Variants in FNDC3A observed in about 807,000 individuals in gnomAD.
FNDC3A encodes the protein fibronectin type III domain containing 3A.
In FNDC3A, 32 loss-of-function variants were observed where a neutral mutation model predicts 148.9. That is an observed-to-expected ratio of 0.21 (90% CI 0.16 to 0.29). The LOEUF is 0.29. Among genes scored for constraint, FNDC3A ranks in the 10% least tolerant of loss-of-function variants. The pLI, the probability that FNDC3A is intolerant of heterozygous loss-of-function variation, is 1.00. For missense variants in FNDC3A, 1,191 were observed against 1,452.8 expected, an observed-to-expected ratio of 0.82 and a Z score of 2.93; for synonymous variants, 472 against 473.6, an observed-to-expected ratio of 1.00 and a Z score of 0.04.
intron 1 of FNDC3A, among the ~76,000 whole-genome samples, chr13:48,996,861 A>G (rs1403610285): frequency 6.6e-6 from 1 of 152,188 alleles, no homozygotes; most frequent in Non-Finnish European, 1.5e-5. Context: ...CAGCAGTTCG[A>G]GACCAGCCTG....
At chr13:49,192,441 T>G (rs541546625) in intron 19 of FNDC3A, among the ~76,000 whole-genome samples, 40 of 152,184 alleles carry the variant, frequency 2.6e-4, no homozygotes, top group African/African-American at 7.7e-4. Context: ...ACCACAGGTG[T>G]ACATCACCAC....
intron 2 of FNDC3A, among the ~76,000 whole-genome samples, chr13:49,051,286 G>A (rs922991370): frequency 3.9e-4 from 59 of 152,154 alleles, no homozygotes; most frequent in African/African-American, 1.4e-3. Context: ...TATGCTTTAA[G>A]GAGGTTCTAT....
chr13:48,978,501 G>A (rs959872752), intron 1 of FNDC3A, among the ~76,000 whole-genome samples: 3 of 151,848 alleles, frequency 2.0e-5, no homozygotes, highest in African/African-American at 7.3e-5. Flanking sequence ...ATTTGATGAA[G>A]TAACCAAAAA....
chr13:49,064,697 T>C (rs892580696), intron 2 of FNDC3A, among the ~76,000 whole-genome samples: 5 of 152,108 alleles, frequency 3.3e-5, no homozygotes, highest in African/African-American at 1.2e-4. Flanking sequence ...AATGATGCTA[T>C]AGCTCCTCCT....
chr13:49,170,885 GT>G (rs1268529638), intron 10 of FNDC3A, among the ~76,000 whole-genome samples: 1 of 152,184 alleles, frequency 6.6e-6, no homozygotes, highest in Non-Finnish European at 1.5e-5. Context: ...AATCAAGTAA[GT>G]GTGAGAGACC....
At chr13:49,079,904 T>C (rs1878361007) in intron 3 of FNDC3A, among the ~76,000 whole-genome samples, 1 of 152,044 alleles carries the variant, frequency 6.6e-6, no homozygotes, top group African/African-American at 2.4e-5. Context: ...AGCCTCAAAC[T>C]CCTGGGCTCA....
intron 8 of FNDC3A, among the ~76,000 whole-genome samples, chr13:49,163,036 G>A: frequency 6.6e-6 from 1 of 152,182 alleles, no homozygotes; most frequent in East Asian, 1.9e-4. Context: ...TGTATGAGGT[G>A]TCAATCAGCC....
chr13:49,096,189 C>A (rs1879514018), intron 3 of FNDC3A, among the ~76,000 whole-genome samples: 1 of 152,046 alleles, frequency 6.6e-6, no homozygotes, highest in Non-Finnish European at 1.5e-5. Context: ...CACCATTAAC[C>A]ATAAGAATCA....
chr13:48,986,055 G>A (rs1485327378), intron 1 of FNDC3A, among the ~76,000 whole-genome samples: 4 of 152,166 alleles, frequency 2.6e-5, no homozygotes, highest in African/African-American at 9.7e-5. Context: ...TTTAGAAATA[G>A]CAATTTCTGT....
chr13:49,136,587 A>G lies in FNDC3A; in HGVS notation c.746A>G (p.Asp249Gly), dbSNP rs967066562. 2 of 1,612,294 alleles carry G rather than the reference A, an allele frequency of 1.2e-6. No homozygotes were observed. Among genetic ancestry groups the G allele is most frequent in the Non-Finnish European group, 1.7e-6 (2 of 1,178,444 alleles). ...SGKGKGGTQVDTEIEEKDEET... is the reference protein window; with the variant it reads ...SGKGKGGTQVGTEIEEKDEET... ...AAGGGGAAAGGTGGTACACAAGTTG[A>G]TACAGAAATTGAAGGTAACTGTTTG... The change falls in exon 6 of 26, where the codon GAT becomes GGT. Residue 249 changes from aspartate to glycine, a missense_variant. Asp to Gly is a moderately conservative substitution (Grantham distance 94). Transcript: ENST00000492622.
chr13:49,114,419 C>CG (rs1408212262), intron 3 of FNDC3A, among the ~76,000 whole-genome samples: 2 of 151,422 alleles, frequency 1.3e-5, no homozygotes, highest in African/African-American at 2.4e-5. Context: ...CTCCCCGCCC[C>CG]CCACCACCCC....
In FNDC3A at chr13:49,019,565, G is replaced by A. The variant is rs373908086; in HGVS notation, c.99+13276G>A. The stretch of plus-strand genomic sequence containing the variant: ...GAAATGCAGAAATCACCCATCTTCT[G>A]CGTCGCTCTCTCTGGGAGCTGTAGA... On this transcript the variant is annotated intron_variant, in intron 2 of 25. Transcript: ENST00000492622. Among the ~76,000 whole-genome samples the A allele has an allele frequency of 9.6e-4, 146 of 152,334 alleles. 1 individual carries two copies. Among genetic ancestry groups the A allele is most frequent in the African/African-American group, 3.4e-3 (140 of 41,580 alleles).
chr13:49,083,187 C>A (rs183323813), intron 3 of FNDC3A, among the ~76,000 whole-genome samples: 2 of 152,218 alleles, frequency 1.3e-5, no homozygotes, highest in East Asian at 3.9e-4. Context: ...TTGTAGCCAC[C>A]CACCACTGCC....
At chr13:49,063,291 A>T (rs969052586) in intron 2 of FNDC3A, among the ~76,000 whole-genome samples, 1 of 152,236 alleles carries the variant, frequency 6.6e-6, no homozygotes, top group Non-Finnish European at 1.5e-5. Context: ...TTTAGCAGAG[A>T]TGTAAATATG....
chr13:49,082,303 T>C (rs1878529754), intron 3 of FNDC3A, among the ~76,000 whole-genome samples: 1 of 152,022 alleles, frequency 6.6e-6, no homozygotes, highest in Non-Finnish European at 1.5e-5. Context: ...GGAGAATCAC[T>C]TGGACCCGGG....
intron 4 of FNDC3A, 49 bp from the exon 5 acceptor site, chr13:49,131,088 A>T: frequency 7.0e-7 from 1 of 1,431,418 alleles, no homozygotes; most frequent in Non-Finnish European, 9.9e-7. Flanking sequence ...TTTTAAAAGA[A>T]TTGTTTATAT....
intron 14 of FNDC3A, among the ~76,000 whole-genome samples, chr13:49,181,546 C>G (rs1487991186): frequency 6.6e-6 from 1 of 152,122 alleles, no homozygotes; most frequent in Non-Finnish European, 1.5e-5. Flanking sequence ...GAAAATGATG[C>G]TTGTATGAAG....
chr13:49,017,470 C>T (rs898807008), intron 2 of FNDC3A, among the ~76,000 whole-genome samples: 4 of 152,074 alleles, frequency 2.6e-5, no homozygotes, highest in African/African-American at 9.7e-5. Flanking sequence ...CTTCCTCCAT[C>T]CTTTTATTTT....
At chr13:49,024,269 G>T (rs1873538234) in intron 2 of FNDC3A, among the ~76,000 whole-genome samples, 1 of 151,954 alleles carries the variant, frequency 6.6e-6, no homozygotes, top group Non-Finnish European at 1.5e-5. Flanking sequence ...GGACCAGATG[G>T]CCTCACTGCT....
Sources: gnomAD v4.1 joint callset for allele counts (sites outside exome capture counted in the v4.1 genomes callset) on GRCh38, gnomAD v4.1.1 for gene constraint, MANE v1.5 for transcripts, NCBI Gene and HGNC (gene_info 2026-07-23, HGNC 2026-07-21) for gene names.